The following RNF141 variants were observed in gnomAD, a reference collection of about 807,000 sequenced individuals.
RNF141 encodes the protein ring finger protein 141.
A neutral mutation model predicts 27.4 loss-of-function variants in RNF141; 18 were observed. The observed-to-expected ratio is 0.66, with a 90% confidence interval of 0.45 to 0.97. The LOEUF (loss-of-function observed/expected upper bound fraction) is 0.97. Among genes scored for constraint, RNF141 ranks in the 50% least tolerant of loss-of-function variants. The probability of loss-of-function intolerance (pLI) is 0.00; values close to 1 mark genes in which losing one functional copy is unlikely to be tolerated. For missense variants in RNF141, 230 were observed against 279.4 expected (o/e 0.82, Z 1.26); for synonymous variants, 97 against 96.6 (o/e 1.00, Z -0.02).
At chr11:10,539,687 C>CATATATATATATAT (rs1330301830) in intron 1 of RNF141, among the ~76,000 whole-genome samples, 1,350 of 50,888 alleles carry the variant, frequency 0.027, 268 homozygotes, top group South Asian at 0.042. Flanking sequence ...GAAAAAGATA[C>CATATATATATATAT]ATACATATAT....
intron 4 of RNF141, among the ~76,000 whole-genome samples, chr11:10,522,133 G>A (rs1849892765): frequency 1.3e-5 from 2 of 152,298 alleles, no homozygotes; most frequent in African/African-American, 2.4e-5. Flanking sequence ...AGTGTTATAC[G>A]TTAGTAACAG....
chr11:10,526,538 CT>C (rs1241323958), intron 3 of RNF141, among the ~76,000 whole-genome samples: 1 of 152,102 alleles, frequency 6.6e-6, no homozygotes, highest in Non-Finnish European at 1.5e-5. Context: ...AATCCCAGCA[CT>C]TTGGGAGGCC....
At chr11:10,533,529 C>T (rs1048892011) in intron 2 of RNF141, among the ~76,000 whole-genome samples, 1 of 140,724 alleles carries the variant, frequency 7.1e-6, no homozygotes, top group Middle Eastern at 3.7e-3. Context: ...AATGATGACA[C>T]AGTAAAAAAA....
chr11:10,540,378 T>G (rs1476123657), intron 1 of RNF141, among the ~76,000 whole-genome samples: 3 of 152,250 alleles, frequency 2.0e-5, no homozygotes, highest in African/African-American at 7.2e-5. Flanking sequence ...AGGGATCGAT[T>G]TCAATAACAA....
chr11:10,522,962 T>C (rs556888169), intron 4 of RNF141, among the ~76,000 whole-genome samples: 1 of 152,340 alleles, frequency 6.6e-6, no homozygotes, highest in South Asian at 2.1e-4. Flanking sequence ...CTAGAGTCTG[T>C]GCCGTGCTGC....
At chr11:10,531,721 C>A (rs1019257286) in intron 2 of RNF141, 3 of 189,248 alleles carry the variant, frequency 1.6e-5, no homozygotes, top group Non-Finnish European at 1.1e-5. Context: ...TTAAGTATTG[C>A]AGTTCCCTTT....
chr11:10,536,874 G>T (rs1300918023), intron 1 of RNF141, among the ~76,000 whole-genome samples: 1 of 152,144 alleles, frequency 6.6e-6, no homozygotes, highest in Non-Finnish European at 1.5e-5. Context: ...CAGCCTACTA[G>T]TCCATTATGC....
intron 1 of RNF141, among the ~76,000 whole-genome samples, chr11:10,539,011 AT>A (rs1850061689): frequency 6.6e-6 from 1 of 152,144 alleles, no homozygotes; most frequent in Non-Finnish European, 1.5e-5. Flanking sequence ...TAACACAGTC[AT>A]TTTTTGCAAG....
intron 5 of RNF141, chr11:10,515,926 C>T (rs943419227): frequency 2.6e-5 from 4 of 152,024 alleles, no homozygotes; most frequent in Admixed American, 1.3e-4. Context: ...ATTATGTTTT[C>T]GAAAAGGATT....
chr11:10,515,179 T>G, intron 5 of RNF141, 113 bp from the exon 6 acceptor site: 1 of 1,137,462 alleles, frequency 8.8e-7, no homozygotes, highest in Non-Finnish European at 1.2e-6. Flanking sequence ...TAGAAATATA[T>G]AGTGAAAAAT....
intron 2 of RNF141, 87 bp downstream of exon 2, chr11:10,533,929 A>C (rs1591501021): frequency 8.3e-7 from 1 of 1,198,304 alleles, no homozygotes. Flanking sequence ...ACCAATCAAC[A>C]CCTCTGGTTA....
intron 1 of RNF141, among the ~76,000 whole-genome samples, chr11:10,540,585 C>G (rs889150384): frequency 3.9e-5 from 6 of 152,150 alleles, no homozygotes; most frequent in East Asian, 1.9e-4. Context: ...GCAGCCTAAG[C>G]CAATTCATAA....
intron 3 of RNF141, among the ~76,000 whole-genome samples, chr11:10,528,348 C>A (rs1225487664): frequency 6.6e-6 from 1 of 152,074 alleles, no homozygotes; most frequent in African/African-American, 2.4e-5. Flanking sequence ...AAAAAAATTT[C>A]TTTAGAGTAG....
At chr11:10,534,349 A>G in intron 1 of RNF141, 144 bp from the exon 2 acceptor site, 1 of 546,342 alleles carries the variant, frequency 1.8e-6, no homozygotes, top group South Asian at 2.6e-5. Context: ...AATTTAAATG[A>G]CTCTGTTTTC....
chr11:10,525,082 A>AC, intron 4 of RNF141, 110 bp downstream of exon 4: 1 of 671,062 alleles, frequency 1.5e-6, no homozygotes. Flanking sequence ...ACCAACTGAG[A>AC]AAAAAAAAAG....
chr11:10,521,675 A>T (rs1206447400), intron 4 of RNF141, among the ~76,000 whole-genome samples: 1 of 152,252 alleles, frequency 6.6e-6, no homozygotes, highest in Non-Finnish European at 1.5e-5. Flanking sequence ...AGAGATGAAT[A>T]TATCTCAAAC....
intron 3 of RNF141, among the ~76,000 whole-genome samples, chr11:10,526,194 AAGAAG>A (rs1382285433): frequency 1.3e-5 from 2 of 152,196 alleles, no homozygotes; most frequent in Non-Finnish European, 2.9e-5. Context: ...AAGACTGGGG[AAGAAG>A]TAAGCCATGA....
chr11:10,527,858 G>C (rs760664174), intron 3 of RNF141, among the ~76,000 whole-genome samples: 5 of 152,208 alleles, frequency 3.3e-5, no homozygotes, highest in Admixed American at 1.3e-4. Flanking sequence ...TAGTAGCGTA[G>C]ATGGTGAGAG....
intron 2 of RNF141, among the ~76,000 whole-genome samples, chr11:10,531,204 G>A (rs11042871): frequency 0.65 from 98,116 of 151,618 alleles, 32,004 homozygotes; most frequent in East Asian, 0.85. Context: ...GTGAAACCCC[G>A]TCTCTACTAA....
Sources: gnomAD v4.1 joint callset for allele counts (sites outside exome capture counted in the v4.1 genomes callset) on GRCh38, gnomAD v4.1.1 for gene constraint, MANE v1.5 for transcripts, NCBI Gene and HGNC (gene_info 2026-07-23, HGNC 2026-07-21) for gene names.